BICRAL: variants seen among roughly 807,000 people sequenced by gnomAD.
BICRAL encodes the protein BRD4-interacting chromatin-remodeling complex-associated protein-like.
BICRAL carries 8 observed loss-of-function variants against 91.8 expected under a neutral mutation model. The observed-to-expected ratio is 0.09, with a 90% CI of 0.05 to 0.16. The LOEUF (loss-of-function observed/expected upper bound fraction) is 0.16. BICRAL is among the 10% of genes least tolerant of loss of function. The pLI is 1.00. For missense variants in BICRAL, 1,038 were observed against 1,310.9 expected (o/e 0.79, Z 3.21); for synonymous variants, 445 against 491.1 (o/e 0.91, Z 1.24).
intron 1 of BICRAL, among the ~76,000 whole-genome samples, chr6:42,763,984 G>A (rs1447578672): frequency 6.6e-6 from 1 of 151,642 alleles, no homozygotes; most frequent in Middle Eastern, 3.4e-3. Flanking sequence ...GCTCACACCT[G>A]TAATCCCAGC....
intron 2 of BICRAL, among the ~76,000 whole-genome samples, chr6:42,820,210 T>C (rs1197084084): frequency 6.6e-6 from 1 of 152,124 alleles, no homozygotes; most frequent in Non-Finnish European, 1.5e-5. Flanking sequence ...GGAGGGAAGC[T>C]GGGAGAGTTG....
At chr6:42,752,119 G>A (rs1762390154) in intron 1 of BICRAL, among the ~76,000 whole-genome samples, 1 of 152,094 alleles carries the variant, frequency 6.6e-6, no homozygotes, top group Admixed American at 6.5e-5. Context: ...CTTTCTGGCA[G>A]GAAGACAGTG....
At chr6:42,789,032 A>AG (rs1763190487) in intron 1 of BICRAL, among the ~76,000 whole-genome samples, 1 of 152,158 alleles carries the variant, frequency 6.6e-6, no homozygotes, top group African/African-American at 2.4e-5. Context: ...AGTAGTTGCA[A>AG]GGGGGTGATT....
intron 6 of BICRAL, among the ~76,000 whole-genome samples, chr6:42,838,588 T>G (rs1467788202): frequency 6.6e-6 from 1 of 152,230 alleles, no homozygotes; most frequent in Non-Finnish European, 1.5e-5. Context: ...ACCTGAATAT[T>G]ATATTGATAG....
rs184041202 is a variant in BICRAL at position 42,829,078 on chromosome 6, G to A, written c.745G>A (p.Val249Met). 88 of 1,614,158 alleles carry A rather than the reference G, an allele frequency of 5.5e-5. No homozygotes were observed. Among genetic ancestry groups the A allele is most frequent in the Non-Finnish European group, 5.9e-5 (70 of 1,180,018 alleles). ...KGSGQQAPSNVSGGLLVHRQT... is the reference protein window; with the variant it reads ...KGSGQQAPSNMSGGLLVHRQT... ...CAGCGGGCAGCAAGCCCCATCAAAT[G>A]TGAGTGGAGGGCTCCTGGTTCATAG... Residue 249 changes from valine (V) to methionine (M), a missense_variant, in exon 6 of 13, where the codon GTG becomes ATG. By Grantham distance (21) the Val-to-Met change is conservative. Around this residue, in one of 5 missense-constraint regions of BICRAL, gnomAD observed 532 missense variants for 724.9 expected, o/e 0.73. Transcript: ENST00000314073.
intron 2 of BICRAL, among the ~76,000 whole-genome samples, chr6:42,814,432 C>T (rs1461964950): frequency 7.2e-6 from 1 of 138,744 alleles, no homozygotes; most frequent in Non-Finnish European, 1.5e-5. Flanking sequence ...TATATATACA[C>T]ATACATGTAT....
At chr6:42,770,891 A>AC in intron 1 of BICRAL, among the ~76,000 whole-genome samples, 1 of 151,046 alleles carries the variant, frequency 6.6e-6, no homozygotes, top group East Asian at 1.9e-4. Context: ...GGGTTTCACC[A>AC]CGTTGGCCAC....
rs536443237 is a variant in BICRAL at position 42,762,811 on chromosome 6, C to G, written c.-261+15788C>G. ...GGTGTGGTGGTACACGCCTGTAGTC[C>G]CAGCTACCCAGGTGACTGAGGCAGA... On this transcript the variant is annotated intron_variant, in intron 1 of 14. Coordinates refer to the BICRAL transcript ENST00000614467. Among the ~76,000 whole-genome samples, 4 of 152,070 alleles carry G rather than the reference C, an allele frequency of 2.6e-5. No homozygotes were observed. The East Asian group carries it at 7.7e-4, about 29-fold the overall frequency.
At chr6:42,765,798 C>CT (rs892631177) in intron 1 of BICRAL, among the ~76,000 whole-genome samples, 31 of 150,784 alleles carry the variant, frequency 2.1e-4, no homozygotes, top group African/African-American at 4.6e-4. Context: ...TTATTTGCTG[C>CT]TTTTTTTTTA....
chr6:42,832,022 C>T (rs549945417), intron 6 of BICRAL, among the ~76,000 whole-genome samples: 1 of 151,796 alleles, frequency 6.6e-6, no homozygotes, highest in African/African-American at 2.4e-5. Context: ...TGTAGGCATT[C>T]GCCACTGTGC....
chr6:42,797,313 G>T (rs904785311), intron 1 of BICRAL, among the ~76,000 whole-genome samples: 2 of 152,132 alleles, frequency 1.3e-5, no homozygotes, highest in South Asian at 4.1e-4. Flanking sequence ...GAAGTGGAAG[G>T]CTGGGAAGGG....
intron 5 of BICRAL, among the ~76,000 whole-genome samples, chr6:42,826,867 A>G (rs1211431969): frequency 6.6e-6 from 1 of 151,646 alleles, no homozygotes; most frequent in Non-Finnish European, 1.5e-5. Context: ...GCTCACCGCA[A>G]CCTCTGCCTC....
At chr6:42,856,190 G>T (rs995802650) in intron 9 of BICRAL, among the ~76,000 whole-genome samples, 6 of 151,430 alleles carry the variant, frequency 4.0e-5, no homozygotes, top group Admixed American at 6.6e-5. Flanking sequence ...GGTGGTACGG[G>T]CCTGTAGTCC....
chr6:42,794,934 C>A (rs1349316191), intron 1 of BICRAL, among the ~76,000 whole-genome samples: 1 of 150,476 alleles, frequency 6.6e-6, no homozygotes, highest in Non-Finnish European at 1.5e-5. Context: ...GCAATCCAGC[C>A]TGGGCAACAA....
intron 1 of BICRAL, among the ~76,000 whole-genome samples, chr6:42,798,827 T>C (rs1415828397): frequency 6.6e-6 from 1 of 152,252 alleles, no homozygotes; most frequent in Non-Finnish European, 1.5e-5. Flanking sequence ...GGCTACCCCA[T>C]AGGCAGCATG....
At chr6:42,857,701 C>T (rs112565730) in intron 10 of BICRAL, among the ~76,000 whole-genome samples, 9 of 145,838 alleles carry the variant, frequency 6.2e-5, no homozygotes, top group African/African-American at 2.1e-4. Context: ...AAATCCAAAG[C>T]TTTGTATGGA....
intron 5 of BICRAL, among the ~76,000 whole-genome samples, chr6:42,827,282 T>C (rs796248451): frequency 4.2e-4 from 64 of 152,338 alleles, no homozygotes; most frequent in African/African-American, 1.4e-3. Context: ...TTCTTTTTAA[T>C]AGTCACGTGT....
chr6:42,775,181 C>T (rs575381949), intron 1 of BICRAL, among the ~76,000 whole-genome samples: 31 of 152,288 alleles, frequency 2.0e-4, no homozygotes, highest in African/African-American at 3.9e-4. Flanking sequence ...GTGATCCGCC[C>T]GCTTCAGCTT....
chr6:42,857,631 ATATATT>A (rs1407456642), intron 10 of BICRAL, among the ~76,000 whole-genome samples: 13 of 133,472 alleles, frequency 9.7e-5, no homozygotes, highest in East Asian at 6.0e-4. Flanking sequence ...ATATATATAT[ATATATT>A]TTTTAGGAGG....
Sources: allele counts gnomAD v4.1 joint callset (sites outside exome capture counted in the v4.1 genomes callset), GRCh38; gene constraint gnomAD v4.1.1; regional missense constraint gnomAD v4.1.1; transcripts MANE v1.5; gene names NCBI Gene and HGNC (gene_info 2026-07-23, HGNC 2026-07-21).